The following WDPCP variants were observed in gnomAD, a reference collection of about 807,000 sequenced individuals.
WDPCP encodes WD repeat-containing and planar cell polarity effector protein fritz homolog.
WDPCP carries 71 observed loss-of-function variants against 93.1 expected under a neutral mutation model. The observed-to-expected ratio is 0.76, with a 90% CI of 0.63 to 0.93. The LOEUF (loss-of-function observed/expected upper bound fraction) is 0.93. Ranked by LOEUF, WDPCP falls within the 40% of genes least tolerant of loss-of-function variation. The pLI is 0.00. For synonymous variants in WDPCP, 315 were observed against 315.0 expected (o/e 1.00, Z 0.00); for missense variants, 844 against 887.4 (o/e 0.95, Z 0.62).
At position 63,606,013 on chromosome 2, in the gene WDPCP, C is replaced by T. The variant is rs1374130547; in HGVS notation, n.488+44646G>A. On this transcript the variant is annotated intron_variant and non_coding_transcript_variant, in intron 3 of 4. Coordinates refer to the WDPCP transcript ENST00000467687. ...TTCCTGATGATCTGCTCTACTCATT[C>T]CCTGTTGTAATCAAGGTAAGGTATT... 3.7e-6 allele frequency: 6 copies of T among 1,613,880 alleles called. No individual in the cohort carries two copies. The Admixed American group carries it at 1.0e-4, about 27-fold the overall frequency.
intron 14 of WDPCP, among the ~76,000 whole-genome samples, chr2:63,189,031 C>A (rs1674844413): frequency 1.3e-5 from 2 of 152,166 alleles, no homozygotes; most frequent in African/African-American, 4.8e-5. Context: ...TGTATGTTTA[C>A]TTTTAGTGTA....
chr2:63,549,410 CTG>C, intron 1 of WDPCP, among the ~76,000 whole-genome samples: 1 of 152,170 alleles, frequency 6.6e-6, no homozygotes. Context: ...AGTCAAGAAA[CTG>C]TTTTATACTG....
chr2:63,195,761 G>A (rs76609137), intron 14 of WDPCP, among the ~76,000 whole-genome samples: 39 of 152,148 alleles, frequency 2.6e-4, no homozygotes, highest in African/African-American at 8.4e-4. Flanking sequence ...AAAAAAACAT[G>A]TAGATACTAG....
At chr2:63,578,893 T>G (rs565032419) in intron 1 of WDPCP, among the ~76,000 whole-genome samples, 1 of 152,244 alleles carries the variant, frequency 6.6e-6, no homozygotes, top group African/African-American at 2.4e-5. Flanking sequence ...AATGGCCCTA[T>G]TTGTTCCTAT....
rs190022064 is a variant in WDPCP at position 63,755,634 on chromosome 2, G to T, written n.308+57988C>A. ...TTTCTGATTTCATAAAATTGTTCTT[G>T]TCTATAGAATCTCATAGGCAAAAGC... On this transcript the variant is annotated intron_variant and non_coding_transcript_variant, in intron 2 of 4. Transcript: ENST00000467687. 1.2e-3 allele frequency among the ~76,000 whole-genome samples: 185 copies of T among 152,246 alleles called. No homozygotes were observed. In the South Asian group the frequency reaches 0.013, roughly 11 times the overall value.
chr2:63,261,957 C>A (rs1681667049), intron 13 of WDPCP, among the ~76,000 whole-genome samples: 1 of 152,158 alleles, frequency 6.6e-6, no homozygotes, highest in Admixed American at 6.5e-5. Flanking sequence ...CTAAAATGTA[C>A]AATCAAAATA....
intron 12 of WDPCP, among the ~76,000 whole-genome samples, chr2:63,323,807 T>C (rs998509799): frequency 1.3e-5 from 2 of 152,156 alleles, no homozygotes; most frequent in African/African-American, 4.8e-5. Flanking sequence ...ATCCGACCTT[T>C]CTCAGTCCCC....
intron 12 of WDPCP, among the ~76,000 whole-genome samples, chr2:63,324,106 G>A (rs189979121): frequency 6.6e-6 from 1 of 152,018 alleles, no homozygotes; most frequent in South Asian, 2.1e-4. Flanking sequence ...CTCTCTGATG[G>A]GGAAAAATGG....
At chr2:63,458,309 A>T (rs970378966) in intron 6 of WDPCP, among the ~76,000 whole-genome samples, 1 of 152,034 alleles carries the variant, frequency 6.6e-6, no homozygotes, top group South Asian at 2.1e-4. Context: ...ACATGATTTT[A>T]TATCTAGAAA....
intron 10 of WDPCP, among the ~76,000 whole-genome samples, chr2:63,384,456 T>A (rs1161726835): frequency 6.6e-6 from 1 of 152,116 alleles, no homozygotes; most frequent in Non-Finnish European, 1.5e-5. Flanking sequence ...GGCTCTATAT[T>A]ATTTAAGTTT....
intron 2 of WDPCP, among the ~76,000 whole-genome samples, chr2:63,687,613 G>A (rs1668827373): frequency 6.6e-6 from 1 of 152,080 alleles, no homozygotes; most frequent in Non-Finnish European, 1.5e-5. Flanking sequence ...TCAGCAAAAT[G>A]CAAATCAAAA....
intron 2 of WDPCP, among the ~76,000 whole-genome samples, chr2:63,726,479 G>T (rs553866309): frequency 6.6e-6 from 1 of 152,276 alleles, no homozygotes; most frequent in South Asian, 2.1e-4. Flanking sequence ...GTCAGGTAGT[G>T]TGATGCTTCT....
At chr2:63,609,867 C>A (rs1709597017) in intron 3 of WDPCP, among the ~76,000 whole-genome samples, 1 of 152,044 alleles carries the variant, frequency 6.6e-6, no homozygotes, top group African/African-American at 2.4e-5. Flanking sequence ...GCAAGATTGT[C>A]TTTTTAAAAA....
At chr2:63,766,949 T>C (rs573725571) in intron 2 of WDPCP, among the ~76,000 whole-genome samples, 1 of 152,272 alleles carries the variant, frequency 6.6e-6, no homozygotes, top group East Asian at 1.9e-4. Context: ...TTTCTGTCTA[T>C]GATTTTGACT....
At chr2:63,256,359 C>T (rs1681144492) in intron 14 of WDPCP, among the ~76,000 whole-genome samples, 1 of 152,064 alleles carries the variant, frequency 6.6e-6, no homozygotes, top group South Asian at 2.1e-4. Flanking sequence ...GAACATGATC[C>T]AGAAACAGCC....
At chr2:63,666,712 T>C (rs1414128149) in intron 2 of WDPCP, among the ~76,000 whole-genome samples, 2 of 152,108 alleles carry the variant, frequency 1.3e-5, no homozygotes, top group Non-Finnish European at 2.9e-5. Context: ...TTCACTTCCT[T>C]CTCTTTCTAC....
intron 9 of WDPCP, among the ~76,000 whole-genome samples, chr2:63,414,450 G>GAT (rs974726451): frequency 1.0e-4 from 15 of 149,732 alleles, no homozygotes; most frequent in African/African-American, 2.5e-4. Context: ...AAGAAACTGT[G>GAT]ATATATATAT....
intron 2 of WDPCP, among the ~76,000 whole-genome samples, chr2:63,691,169 C>A (rs931649953): frequency 6.6e-6 from 1 of 152,070 alleles, no homozygotes; most frequent in African/African-American, 2.4e-5. Flanking sequence ...TTAATATGAA[C>A]CAGGAAATTT....
At chr2:63,820,785 C>T (rs894432770) in intron 1 of WDPCP, among the ~76,000 whole-genome samples, 9 of 152,002 alleles carry the variant, frequency 5.9e-5, no homozygotes, top group South Asian at 2.1e-4. Flanking sequence ...ATGCTTTATA[C>T]GCTTTCAAAT....
Sources: allele counts gnomAD v4.1 joint callset (sites outside exome capture counted in the v4.1 genomes callset), GRCh38; gene constraint gnomAD v4.1.1; transcripts MANE v1.5; gene names NCBI Gene and HGNC (gene_info 2026-07-23, HGNC 2026-07-21).